Variants in RHOU observed in about 807,000 individuals in gnomAD.
The protein encoded by RHOU is rho-related GTP-binding protein RhoU.
In RHOU, 8 loss-of-function variants were observed where a neutral mutation model predicts 12.6. That is an observed-to-expected ratio of 0.64 (90% CI 0.37 to 1.15). The LOEUF is 1.15. Ranked by LOEUF, RHOU falls within the 50% of genes most tolerant of loss-of-function variation. RHOU has a pLI of 0.01. For synonymous variants in RHOU, 161 were observed against 147.4 expected (o/e 1.09, Z -0.67); for missense variants, 258 against 347.0 (o/e 0.74, Z 2.04).
At chr1:228,714,808 G>A in the RHOU span, among the ~76,000 whole-genome samples, 1 of 140,986 alleles carries the variant, frequency 7.1e-6, no homozygotes, top group Admixed American at 7.3e-5. Context: ...CAATGGCGTG[G>A]TCTCAGCTCA....
At chr1:228,719,331 CGT>C in the RHOU span, among the ~76,000 whole-genome samples, 1 of 152,176 alleles carries the variant, frequency 6.6e-6, no homozygotes, top group Non-Finnish European at 1.5e-5. Flanking sequence ...TTTATAAAAT[CGT>C]GTGTTTTCCA....
At chr1:228,663,615 C>CTTTTTT in the RHOU span, among the ~76,000 whole-genome samples, 1 of 86,712 alleles carries the variant, frequency 1.2e-5, no homozygotes, top group Non-Finnish European at 2.2e-5. Context: ...CTTTTCTTTT[C>CTTTTTT]TTTTCTTTTC....
the RHOU span, among the ~76,000 whole-genome samples, chr1:228,717,775 A>T: frequency 6.6e-6 from 1 of 152,114 alleles, no homozygotes; most frequent in Non-Finnish European, 1.5e-5. Flanking sequence ...TTCCTTCTCA[A>T]CCTAATCCAG....
chr1:228,664,630 T>C, the RHOU span, among the ~76,000 whole-genome samples: 1 of 152,106 alleles, frequency 6.6e-6, no homozygotes, highest in Non-Finnish European at 1.5e-5. Context: ...CCCGTGTTCA[T>C]TGCCAAGATT....
chr1:228,740,474 TTGTTC>T (rs1662698952), intron 2 of RHOU, among the ~76,000 whole-genome samples: 1 of 126,576 alleles, frequency 7.9e-6, no homozygotes, highest in Non-Finnish European at 1.6e-5. Flanking sequence ...GATAAGTCAG[TTGTTC>T]TGTTTTTGTT....
chr1:228,707,252 TATAGTGTGTGTGTGTGTGTG>T, the RHOU span, among the ~76,000 whole-genome samples: 3 of 77,148 alleles, frequency 3.9e-5, no homozygotes, highest in Non-Finnish European at 6.8e-5. Flanking sequence ...TATATATATA[TATAGTGTGTGTGTGTGTGTG>T]TGTGTGTGTG....
chr1:228,699,707 AC>A, the RHOU span, among the ~76,000 whole-genome samples: 1 of 142,900 alleles, frequency 7.0e-6, no homozygotes, highest in Non-Finnish European at 1.5e-5. Flanking sequence ...CTGTTTTATA[AC>A]GTGTCTAGTG....
the RHOU span, among the ~76,000 whole-genome samples, chr1:228,674,175 AAGT>A: frequency 6.6e-6 from 1 of 152,138 alleles, no homozygotes; most frequent in Non-Finnish European, 1.5e-5. Context: ...CTCTTTTGTG[AAGT>A]TATATATCTT....
the RHOU span, among the ~76,000 whole-genome samples, chr1:228,659,970 A>C: frequency 2.8e-3 from 371 of 131,406 alleles, 1 homozygote; most frequent in Middle Eastern, 0.011. Flanking sequence ...AAAAAACAAA[A>C]AAAAAAAAAA....
upstream of RHOU, among the ~76,000 whole-genome samples, chr1:228,734,370 CT>C (rs1662549877): frequency 6.6e-6 from 1 of 152,104 alleles, no homozygotes; most frequent in East Asian, 1.9e-4. Flanking sequence ...ATCATACTGA[CT>C]TATTTTTGCC....
At chr1:228,717,612 G>A in the RHOU span, among the ~76,000 whole-genome samples, 2 of 152,228 alleles carry the variant, frequency 1.3e-5, no homozygotes, top group Non-Finnish European at 2.9e-5. Context: ...TCAATGCCAA[G>A]GTGAAATACT....
chr1:228,685,467 A>C, the RHOU span, among the ~76,000 whole-genome samples: 1 of 152,234 alleles, frequency 6.6e-6, no homozygotes, highest in Non-Finnish European at 1.5e-5. Context: ...GTAAAGAGAA[A>C]TGACCACAAA....
the RHOU span, among the ~76,000 whole-genome samples, chr1:228,647,478 G>T: frequency 3.3e-5 from 5 of 152,322 alleles, no homozygotes; most frequent in South Asian, 2.1e-4. Flanking sequence ...CTGGTGGTTG[G>T]CGAAGCAATG....
the RHOU span, among the ~76,000 whole-genome samples, chr1:228,647,268 C>T: frequency 2.5e-4 from 38 of 152,268 alleles, no homozygotes; most frequent in African/African-American, 8.9e-4. Flanking sequence ...TCTTTCTTGG[C>T]ACCTCACTGT....
chr1:228,724,849 A>G, the RHOU span, among the ~76,000 whole-genome samples: 1 of 152,180 alleles, frequency 6.6e-6, no homozygotes, highest in Admixed American at 6.6e-5. Context: ...GTGCTCTTTC[A>G]TTATGTGAGT....
chr1:228,658,226 G>A, the RHOU span, among the ~76,000 whole-genome samples: 1 of 146,164 alleles, frequency 6.8e-6, no homozygotes, highest in Non-Finnish European at 1.5e-5. Flanking sequence ...GCTGCAGTGA[G>A]CCATGATCAG....
the RHOU span, among the ~76,000 whole-genome samples, chr1:228,667,056 G>C: frequency 2.0e-5 from 3 of 152,166 alleles, no homozygotes; most frequent in African/African-American, 7.2e-5. Flanking sequence ...AATCTGAGCT[G>C]GCTCTGTTGG....
chr1:228,742,627 C>G (rs1662747504), intron 2 of RHOU, among the ~76,000 whole-genome samples: 1 of 152,192 alleles, frequency 6.6e-6, no homozygotes, highest in Non-Finnish European at 1.5e-5. Context: ...TGGCACTGAG[C>G]TGCAAAAGTT....
chr1:228,655,633 A>G, the RHOU span, among the ~76,000 whole-genome samples: 1 of 152,214 alleles, frequency 6.6e-6, no homozygotes, highest in African/African-American at 2.4e-5. Context: ...GGGTTTTGCT[A>G]GTCGCGATTC....
Sources: allele counts gnomAD v4.1 joint callset (sites outside exome capture counted in the v4.1 genomes callset), GRCh38; gene constraint gnomAD v4.1.1; transcripts MANE v1.5; gene names NCBI Gene and HGNC (gene_info 2026-07-23, HGNC 2026-07-21).